CCNDBP1: variants seen among roughly 807,000 people sequenced by gnomAD.
CCNDBP1 encodes the protein cyclin D1 binding protein 1.
In CCNDBP1, 45 loss-of-function variants were observed where a neutral mutation model predicts 46.2. The observed-to-expected ratio is 0.97, with a 90% CI of 0.77 to 1.25. The LOEUF (loss-of-function observed/expected upper bound fraction) is 1.25. CCNDBP1 is among the 50% of genes most tolerant of loss of function. The pLI is 0.00. For missense variants in CCNDBP1, 436 were observed against 442.1 expected (o/e 0.99, Z 0.12); for synonymous variants, 154 against 163.6 (o/e 0.94, Z 0.45).
intron 3 of CCNDBP1, 23 bp from the exon 4 acceptor site, chr15:43,189,176 C>T (rs377084595): frequency 3.4e-5 from 49 of 1,449,536 alleles, no homozygotes; most frequent in Non-Finnish European, 4.7e-5. Context: ...CCACTTTGAT[C>T]TAATCTGTTT....
At position 43,197,171 on chromosome 15, in the gene CCNDBP1, T is replaced by G; in HGVS notation, c.*2330T>G. 1.5e-6 allele frequency: 2 copies of G among 1,334,902 alleles called. No individual in the cohort carries two copies. The highest frequency in any genetic ancestry group is 1.1e-6 in the Non-Finnish European group (1 of 950,736). The allele number at this position is 1,334,902 out of a possible 1,614,324, so 82.7% of individuals were successfully genotyped here. Reference sequence around the variant, plus strand: ...TGAGCCAAATAAAGCTCTTTTCTTTTAAACTACCCAGCCTCAGTTATTCCT... The same window carrying G: ...TGAGCCAAATAAAGCTCTTTTCTTTGAAACTACCCAGCCTCAGTTATTCCT... On this transcript the variant is annotated 3_prime_UTR_variant, in exon 11 of 11. Coordinates refer to ENST00000300213, the MANE Select transcript of CCNDBP1 (RefSeq NM_012142.5).
intron 9 of CCNDBP1, 127 bp from the exon 10 acceptor site, chr15:43,194,288 A>C (rs2042009747): frequency 3.0e-6 from 2 of 674,486 alleles, no homozygotes; most frequent in African/African-American, 3.8e-5. Context: ...CAGCATTTTA[A>C]ATTTTGCATA....
chr15:43,194,767 C>T lies in CCNDBP1; in HGVS notation c.1009C>T (p.Pro337Ser). ...VTPQPEDSWI[P>S]LLINAIDHCM... ...CCCTCAGCCAGAAGATAGTTGGATC[C>T]CTTTACTTATTAATGCCATTGATCA... The change falls in exon 11 of 11, where the codon CCT (proline) becomes TCT (serine). Residue 337 changes from proline (P) to serine (S), a missense_variant. Transcript: ENST00000300213. The T allele has an allele frequency of 6.2e-7, 1 of 1,613,786 alleles. No homozygotes were observed. Among genetic ancestry groups the T allele is most frequent in the Non-Finnish European group, 8.5e-7 (1 of 1,179,692 alleles).
At chr15:43,185,781 A>G (rs748628754) in intron 1 of CCNDBP1, 39 bp from the exon 2 acceptor site, 2 of 1,601,488 alleles carry the variant, frequency 1.2e-6, no homozygotes, top group Non-Finnish European at 8.5e-7. Context: ...CAGCTTTTCC[A>G]TTCGCCACCG....
chr15:43,194,924 G>C lies in CCNDBP1; in HGVS notation c.*83G>C. ...CCTGCTTTTAAAATGGAGCTAGAAT[G>C]CTTGCTGGATTGAAAGGGAGTGCCT... On this transcript the variant is annotated 3_prime_UTR_variant, in exon 11 of 11. Coordinates refer to ENST00000300213, the MANE Select transcript of CCNDBP1 (RefSeq NM_012142.5). 2 of 853,094 alleles carry C rather than the reference G, an allele frequency of 2.3e-6. No homozygotes were observed. The highest frequency in any genetic ancestry group is 2.6e-5 in the East Asian group (1 of 39,144). The allele number at this position is 853,094 out of a possible 1,614,324, so 52.8% of individuals were successfully genotyped here. A position where few individuals can be genotyped will look rare whatever the true frequency, so the allele number is the denominator to read the frequency against.
At position 43,194,735 on chromosome 15, in the gene CCNDBP1, A is replaced by G; in HGVS notation, c.977A>G (p.His326Arg). The G allele has an allele frequency of 6.2e-7, 1 of 1,602,706 alleles. No individual in the cohort carries two copies. The highest frequency in any genetic ancestry group is 1.1e-5 in the South Asian group (1 of 90,862). Residue 326 changes from histidine (H) to arginine (R), a missense_variant, in exon 11 of 11, where the codon CAT becomes CGT. By Grantham distance (29) the His-to-Arg change is conservative. Coordinates refer to ENST00000300213, the MANE Select transcript of CCNDBP1 (RefSeq NM_012142.5). The part of the protein sequence containing the change: ...KKALEITKAS[H>R]VTPQPEDSWI... ...TCCTATTCTATTCACAGAGCAAGTC[A>G]TGTGACCCCTCAGCCAGAAGATAGT... is the stretch of plus-strand genomic sequence containing the variant.
At chr15:43,185,918 C>T (rs367685497) in intron 2 of CCNDBP1, 39 bp downstream of exon 2, 173 of 1,572,726 alleles carry the variant, frequency 1.1e-4, no homozygotes, top group Middle Eastern at 5.0e-4. Flanking sequence ...TGCCTCAGTT[C>T]CTCCAGCGTC....
intron 4 of CCNDBP1, 118 bp from the exon 5 acceptor site, chr15:43,189,937 G>A (rs1382428952): frequency 1.3e-6 from 1 of 781,528 alleles, no homozygotes; most frequent in Non-Finnish European, 2.1e-6. Flanking sequence ...GTGTTAGCAT[G>A]TAGGTTAAAG....
rs1371654042 is a variant in CCNDBP1 at position 43,186,029 on chromosome 15, G to C, written c.170-125G>C. The C allele has an allele frequency of 1.8e-5, 21 of 1,197,266 alleles. No homozygotes were observed. The East Asian group carries it at 4.8e-4, about 27-fold the overall frequency. The allele number at this position is 1,197,266 out of a possible 1,614,324, so 74.2% of individuals were successfully genotyped here. A position where few individuals can be genotyped will look rare whatever the true frequency, so the allele number is the denominator to read the frequency against. ...TACCCACCTCAGCACCTGAGAGGGTGAAATAGAATTCTAACCTCGACATTC... is the reference window on the plus strand; with the variant it reads ...TACCCACCTCAGCACCTGAGAGGGTCAAATAGAATTCTAACCTCGACATTC... On this transcript the variant is annotated intron_variant, in intron 2 of 10. Coordinates refer to ENST00000300213, the MANE Select transcript of CCNDBP1 (RefSeq NM_012142.5).
chr15:43,192,279 A>C (rs1196579433), intron 8 of CCNDBP1, among the ~76,000 whole-genome samples: 1 of 152,234 alleles, frequency 6.6e-6, no homozygotes, highest in African/African-American at 2.4e-5. Context: ...TTTTTGCAAG[A>C]ATATCATATA....
chr15:43,186,345 C>T (rs1432256199), intron 3 of CCNDBP1, 112 bp downstream of exon 3: 1 of 835,282 alleles, frequency 1.2e-6, no homozygotes, highest in Non-Finnish European at 1.9e-6. Context: ...CTTCATCTGT[C>T]CAGTGAGGTT....
At chr15:43,191,782 A>T in intron 8 of CCNDBP1, 107 bp downstream of exon 8, 1 of 1,331,904 alleles carries the variant, frequency 7.5e-7, no homozygotes, top group East Asian at 2.4e-5. Context: ...AATTTTTCAA[A>T]CCTATAGGAA....
chr15:43,191,258 C>A, intron 7 of CCNDBP1, 137 bp from the exon 8 acceptor site: 1 of 932,744 alleles, frequency 1.1e-6, no homozygotes, highest in South Asian at 1.8e-5. Flanking sequence ...TGAAGTGATT[C>A]AACTCTGTAG....
intron 4 of CCNDBP1, 97 bp downstream of exon 4, chr15:43,189,377 C>A: frequency 1.5e-6 from 1 of 650,744 alleles, no homozygotes; most frequent in Middle Eastern, 2.6e-4. Context: ...GAACATGTAA[C>A]TTTCTCCCAT....
At position 43,185,450 on chromosome 15, in the gene CCNDBP1, G is replaced by A. The variant is rs775925682; in HGVS notation, c.-49G>A. 4.9e-6 allele frequency: 7 copies of A among 1,415,216 alleles called. No homozygotes were observed. Among genetic ancestry groups the A allele is most frequent in the African/African-American group, 2.8e-5 (2 of 70,794 alleles). The allele number at this position is 1,415,216 out of a possible 1,614,324, so 87.7% of individuals were successfully genotyped here. ...GGAGCGGCTGTCGCAGTGCGGCTCCGGCAGTGGCAGCGGAGGCCTGTGTTT... is the reference window on the plus strand; with the variant it reads ...GGAGCGGCTGTCGCAGTGCGGCTCCAGCAGTGGCAGCGGAGGCCTGTGTTT... On this transcript the variant is annotated 5_prime_UTR_variant, in exon 1 of 11. Coordinates refer to ENST00000300213, the MANE Select transcript of CCNDBP1 (RefSeq NM_012142.5).
chr15:43,190,838 A>T (rs1567263687), intron 6 of CCNDBP1, 128 bp from the exon 7 acceptor site: 1 of 685,716 alleles, frequency 1.5e-6, no homozygotes, highest in Non-Finnish European at 2.5e-6. Context: ...ATTTTTTATT[A>T]AACCCGCACC....
chr15:43,194,721 T>A lies in CCNDBP1; in HGVS notation c.969-6T>A. ...TTAACTTACTTCTTTCCTATTCTAT[T>A]CACAGAGCAAGTCATGTGACCCCTC... On this transcript the variant is annotated splice_region_variant and splice_polypyrimidine_tract_variant and intron_variant, in intron 10 of 10. Transcript: ENST00000300213. 1 of 1,580,058 alleles carries A rather than the reference T, an allele frequency of 6.3e-7. No individual in the cohort carries two copies. The highest frequency in any genetic ancestry group is 8.7e-7 in the Non-Finnish European group (1 of 1,149,038).
At chr15:43,192,881 A>G in intron 9 of CCNDBP1, 78 bp downstream of exon 9, 1 of 1,259,422 alleles carries the variant, frequency 7.9e-7, no homozygotes, top group Non-Finnish European at 1.2e-6. Context: ...CCTGTAAGCT[A>G]TAGGGTACAT....
Position 43,190,006 on chromosome 15 carries a change from T to G in CCNDBP1, c.332-49T>G, listed in dbSNP as rs377680126. 4 of 1,496,692 alleles carry G rather than the reference T, an allele frequency of 2.7e-6. No homozygotes were observed. The South Asian group carries it at 3.4e-5, about 13-fold the overall frequency. 92.7% of individuals were successfully genotyped at this position (1,496,692 alleles called of 1,614,324 possible). A position where few individuals can be genotyped will look rare whatever the true frequency, so the allele number is the denominator to read the frequency against. On this transcript the variant is annotated intron_variant, in intron 4 of 10. Transcript: ENST00000300213. ...TGCTTAGACTCAGGAAAGCAGATGGTGCTTCTGAAAAGAACACCAGGTTGC... is the reference window on the plus strand; with the variant it reads ...TGCTTAGACTCAGGAAAGCAGATGGGGCTTCTGAAAAGAACACCAGGTTGC...
Sources: gnomAD v4.1 joint callset for allele counts (sites outside exome capture counted in the v4.1 genomes callset) on GRCh38, gnomAD v4.1.1 for gene constraint, MANE v1.5 for transcripts, NCBI Gene and HGNC (gene_info 2026-07-23, HGNC 2026-07-21) for gene names.